Variants in SGTA observed in about 807,000 individuals in gnomAD.
The protein encoded by SGTA is small glutamine-rich tetratricopeptide repeat-containing protein alpha.
Under a neutral mutation model 44.3 loss-of-function variants are expected in SGTA, and 22 were observed. The observed-to-expected ratio is 0.50, with a 90% CI of 0.36 to 0.71. The LOEUF is 0.71. SGTA is among the 30% of genes least tolerant of loss of function. SGTA has a pLI of 0.00. For synonymous variants in SGTA, 174 were observed against 177.6 expected, an observed-to-expected ratio of 0.98 and a Z score of 0.16; for missense variants, 341 against 435.9, an observed-to-expected ratio of 0.78 and a Z score of 1.94.
At chr19:2,775,989 T>C (rs1290097601) in intron 1 of SGTA, among the ~76,000 whole-genome samples, 3 of 152,138 alleles carry the variant, frequency 2.0e-5, no homozygotes, top group African/African-American at 7.2e-5. Flanking sequence ...GCCCAGAACT[T>C]TGAGGTCTGG....
In SGTA at chr19:2,774,989, G is replaced by T. The variant is rs553158989; in HGVS notation, c.-23-5898C>A. Among the ~76,000 whole-genome samples, 7 of 152,328 alleles carry T rather than the reference G, an allele frequency of 4.6e-5. No homozygotes were observed. In the East Asian group the frequency reaches 1.4e-3, roughly 29 times the overall value. ...GGGGAGGCCAGGGACGCTGCTCAGT[G>T]CCCTGGAGTGCCCAGGACGGCTCCA... On this transcript the variant is annotated intron_variant, in intron 1 of 11. Coordinates refer to ENST00000221566, the MANE Select transcript of SGTA (RefSeq NM_003021.4).
chr19:2,776,761 G>C (rs967327274), intron 1 of SGTA, among the ~76,000 whole-genome samples: 5 of 152,154 alleles, frequency 3.3e-5, no homozygotes, highest in Non-Finnish European at 4.4e-5. Flanking sequence ...CTGAGGTCAG[G>C]AGTTTGAGAC....
intron 1 of SGTA, among the ~76,000 whole-genome samples, chr19:2,771,019 G>A (rs951132847): frequency 2.6e-5 from 4 of 152,350 alleles, no homozygotes; most frequent in Admixed American, 6.5e-5. Flanking sequence ...CTGAGCCTCC[G>A]CCTCCATGTC....
In SGTA at chr19:2,783,267, T is replaced by A. The variant is rs1915612482; in HGVS notation, c.-58A>T. ...GACCGATCCCCGACCCACCGACGGT[T>A]GCGCTTGCGCACCGCGGTGCCGCCC... is the stretch of plus-strand genomic sequence containing the variant. On this transcript the variant is annotated 5_prime_UTR_variant, in exon 1 of 12. Coordinates refer to ENST00000221566, the MANE Select transcript of SGTA (RefSeq NM_003021.4). The A allele has an allele frequency of 6.6e-6, 1 of 152,242 alleles. No homozygotes were observed. 9.4% of individuals were successfully genotyped at this position (152,242 alleles called of 1,614,324 possible). A position where few individuals can be genotyped will look rare whatever the true frequency, so the allele number is the denominator to read the frequency against.
In SGTA at chr19:2,765,491, T is replaced by C. The variant is rs1782276304; in HGVS notation, c.293-206A>G. On this transcript the variant is annotated intron_variant, in intron 4 of 11. Coordinates refer to ENST00000221566, the MANE Select transcript of SGTA (RefSeq NM_003021.4). The surrounding 1 kb of genome is among the most constrained non-coding windows in gnomAD (Gnocchi z 5.5). ...TTCGCTAGTCGCAAACAATCATATC[T>C]ACATCCACTAAGGGGGATGGAGGTG... Among the ~76,000 whole-genome samples the C allele has an allele frequency of 6.6e-6, 1 of 152,156 alleles. No individual in the cohort carries two copies. The highest frequency in any genetic ancestry group is 2.4e-5 in the African/African-American group (1 of 41,438).
rs1915192762 is a variant in SGTA, at chr19:2,767,839, G to C, written c.101-153C>G. ...GGGGCCGCCGCCTGTGCTCTGGGCT[G>C]GGACAGTGGACCCTCTTCCTTCCCG... On this transcript the variant is annotated intron_variant, in intron 2 of 11. Transcript: ENST00000221566. The surrounding 1 kb of genome is among the most constrained non-coding windows in gnomAD (Gnocchi z 7.3). 6.6e-6 allele frequency among the ~76,000 whole-genome samples: 1 copy of C among 152,180 alleles called. No homozygotes were observed. Among genetic ancestry groups the C allele is most frequent in the African/African-American group, 2.4e-5 (1 of 41,448 alleles).
chr19:2,768,988 A>G lies in SGTA; in HGVS notation c.81T>C (p.Asp27=), dbSNP rs746704697. ...DQLRHGGLSS[D]AQESLEVAIQ... is the part of the protein sequence containing the mutation. Reference sequence around the variant, plus strand: ...ACCTACCTTCCAAGCTCTCCTGAGCATCGGACGAGAGGCCCCCGTGCCGGA... The same window carrying G: ...ACCTACCTTCCAAGCTCTCCTGAGCGTCGGACGAGAGGCCCCCGTGCCGGA... Residue 27 remains aspartate (D), a synonymous_variant, in exon 2 of 12, where the codon GAT becomes GAC. Transcript: ENST00000221566. The G allele has an allele frequency of 2.5e-6, 4 of 1,613,660 alleles. No individual in the cohort carries two copies. The highest frequency in any genetic ancestry group is 1.3e-5 in the African/African-American group (1 of 75,068).
rs1057503791 is a variant in SGTA at position 2,758,767 on chromosome 19, C to T, written c.737+490G>A. 5.3e-5 allele frequency among the ~76,000 whole-genome samples: 8 copies of T among 152,118 alleles called. No homozygotes were observed. The East Asian group carries it at 5.8e-4, about 11-fold the overall frequency. On this transcript the variant is annotated intron_variant, in intron 9 of 11. Transcript: ENST00000221566. ...TGGATAGATGTGTGGATCAGCACAG[C>T]GTGGTCCCTCCACACTGGAATATTA...
Position 2,765,668 on chromosome 19 carries a change from A to G in SGTA, c.293-383T>C, listed in dbSNP as rs982358203. 3.3e-5 allele frequency among the ~76,000 whole-genome samples: 5 copies of G among 152,182 alleles called. No individual in the cohort carries two copies. The highest frequency in any genetic ancestry group is 4.8e-5 in the African/African-American group (2 of 41,454). On this transcript the variant is annotated intron_variant, in intron 4 of 11. Coordinates refer to ENST00000221566, the MANE Select transcript of SGTA (RefSeq NM_003021.4). The surrounding 1 kb of genome is among the most constrained non-coding windows in gnomAD (Gnocchi z 5.5). ...TTGCTTTTGGAAAGAGCCCAAGTGG[A>G]GGCCTGTATTTTGGAATACTCATGT...
Position 2,761,452 on chromosome 19 carries a change from G to A in SGTA, c.699+8C>T, listed in dbSNP as rs1201918929. The A allele has an allele frequency of 1.3e-6, 2 of 1,550,860 alleles. No individual in the cohort carries two copies. The highest frequency in any genetic ancestry group is 1.7e-6 in the Non-Finnish European group (2 of 1,146,390). On this transcript the variant is annotated splice_region_variant and intron_variant, in intron 8 of 11. Transcript: ENST00000221566. The surrounding 1 kb of genome is among the most constrained non-coding windows in gnomAD (Gnocchi z 5.7). ...CACCATGGACAGGGAGGAGGGGCGGGCCGTTACCATGCTCATGAAGCCAGG... is the reference window on the plus strand; with the variant it reads ...CACCATGGACAGGGAGGAGGGGCGGACCGTTACCATGCTCATGAAGCCAGG...
chr19:2,757,901 G>A (rs1914874670), intron 9 of SGTA, 119 bp from the exon 10 acceptor site: 1 of 646,792 alleles, frequency 1.5e-6, no homozygotes, highest in African/African-American at 1.9e-5. Context: ...CTGCAGGAGA[G>A]GATTCTCTCT....
chr19:2,763,615 G>A lies in SGTA; in HGVS notation c.497+38C>T, dbSNP rs143805902. 1.8e-3 allele frequency: 2,683 copies of A among 1,452,346 alleles called. 35 individuals carry two copies. The African/African-American group carries it at 0.029, about 16-fold the overall frequency. 90.0% of individuals were successfully genotyped at this position (1,452,346 alleles called of 1,614,324 possible). A position where few individuals can be genotyped will look rare whatever the true frequency, so the allele number is the denominator to read the frequency against. On this transcript the variant is annotated intron_variant, in intron 6 of 11. Transcript: ENST00000221566. The surrounding 1 kb of genome is among the most constrained non-coding windows in gnomAD (Gnocchi z 5.8). ...GCAGGAGCAGGAGAGGAGGGGTCCCGAGAGACTGGAAAGGCGCGGCCGTGG... is the reference window on the plus strand; with the variant it reads ...GCAGGAGCAGGAGAGGAGGGGTCCCAAGAGACTGGAAAGGCGCGGCCGTGG...
Position 2,765,107 on chromosome 19 carries a change from T to C in SGTA, c.392+79A>G, listed in dbSNP as rs889796194. The C allele has an allele frequency of 5.1e-6, 5 of 979,642 alleles. No homozygotes were observed. The African/African-American group carries it at 6.4e-5, about 13-fold the overall frequency. The allele number at this position is 979,642 out of a possible 1,614,324, so 60.7% of individuals were successfully genotyped here. ...ATCTACAGCGCAGAGGCCTCTCCCATCTCAGGTCCCTGCTAAGCATCCCGG... is the reference window on the plus strand; with the variant it reads ...ATCTACAGCGCAGAGGCCTCTCCCACCTCAGGTCCCTGCTAAGCATCCCGG... On this transcript the variant is annotated intron_variant, in intron 5 of 11. Transcript: ENST00000221566. The surrounding 1 kb of genome is among the most constrained non-coding windows in gnomAD (Gnocchi z 5.5).
intron 1 of SGTA, among the ~76,000 whole-genome samples, chr19:2,776,614 G>C (rs979503494): frequency 1.3e-5 from 2 of 152,186 alleles, no homozygotes; most frequent in East Asian, 3.8e-4. Context: ...TGGTGGCGAT[G>C]GCTACATAGC....
rs985385990 is a variant in SGTA at position 2,755,799 on chromosome 19, G to A, written c.*141C>T. The A allele has an allele frequency of 1.0e-6, 1 of 985,562 alleles. No homozygotes were observed. The highest frequency in any genetic ancestry group is 1.2e-6 in the Non-Finnish European group (1 of 830,032). 61.1% of individuals were successfully genotyped at this position (985,562 alleles called of 1,614,324 possible). On this transcript the variant is annotated 3_prime_UTR_variant, in exon 12 of 12. Coordinates refer to ENST00000221566, the MANE Select transcript of SGTA (RefSeq NM_003021.4). This position sits in a 1 kb window ranked among gnomAD's most constrained non-coding sequence, Gnocchi z 5.2. ...GTGGAGGAGGGCAGAGATAAAAGGG[G>A]AAAATCCATCTTGACATGCAGGTCC...
At chr19:2,766,563 G>A (rs1043593747) in intron 4 of SGTA, among the ~76,000 whole-genome samples, 61 of 152,120 alleles carry the variant, frequency 4.0e-4, no homozygotes, top group African/African-American at 1.4e-3. Context: ...CTCCTGAGTA[G>A]TTGGGATTAC....
At chr19:2,762,979 G>A (rs904907777) in intron 6 of SGTA, among the ~76,000 whole-genome samples, 5 of 152,168 alleles carry the variant, frequency 3.3e-5, no homozygotes, top group African/African-American at 4.8e-5. Flanking sequence ...CCCGCTTCCC[G>A]GCACAGGGCA....
At chr19:2,771,799 C>A (rs1000788551) in intron 1 of SGTA, among the ~76,000 whole-genome samples, 1 of 152,234 alleles carries the variant, frequency 6.6e-6, no homozygotes, top group South Asian at 2.1e-4. Flanking sequence ...GTGGTGCTGG[C>A]GCATGGAGGG....
intron 1 of SGTA, among the ~76,000 whole-genome samples, chr19:2,772,142 G>C (rs1173875702): frequency 6.6e-6 from 1 of 152,228 alleles, no homozygotes; most frequent in Non-Finnish European, 1.5e-5. Context: ...CAGGCCTGAG[G>C]CCTCAGGAGC....
Sources: gnomAD v4.1 joint callset for allele counts (sites outside exome capture counted in the v4.1 genomes callset) on GRCh38, gnomAD v4.1.1 for gene constraint, Gnocchi (gnomAD v3.1) non-coding constraint, MANE v1.5 for transcripts, NCBI Gene and HGNC (gene_info 2026-07-23, HGNC 2026-07-21) for gene names.